The following KIAA0319 variants were observed in gnomAD, a reference collection of about 807,000 sequenced individuals.
KIAA0319 encodes KIAA0319.
Under a neutral mutation model 108.4 loss-of-function variants are expected in KIAA0319, and 83 were observed. The observed-to-expected ratio is 0.77, with a 90% CI of 0.64 to 0.92. The LOEUF (loss-of-function observed/expected upper bound fraction) is 0.92, where lower values mean the gene tolerates loss of function less well. Ranked by LOEUF, KIAA0319 falls within the 40% of genes least tolerant of loss-of-function variation. The probability of loss-of-function intolerance (pLI) is 0.00; values close to 1 mark genes in which losing one functional copy is unlikely to be tolerated. For synonymous variants in KIAA0319, 484 were observed against 510.4 expected, an observed-to-expected ratio of 0.95 and a Z score of 0.70; for missense variants, 1,195 against 1,322.4, an observed-to-expected ratio of 0.90 and a Z score of 1.49.
chr6:24,615,264 T>C (rs1772998125), intron 1 of KIAA0319, among the ~76,000 whole-genome samples: 1 of 152,190 alleles, frequency 6.6e-6, no homozygotes, highest in African/African-American at 2.4e-5. Flanking sequence ...CTTTAACAAA[T>C]TATGATATAG....
At chr6:24,601,348 C>T (rs1364622432) in intron 1 of KIAA0319, 140 bp from the exon 2 acceptor site, 1 of 1,327,050 alleles carries the variant, frequency 7.5e-7, no homozygotes, top group Non-Finnish European at 9.6e-7. Context: ...AGGCAAACAT[C>T]CACCTAGAGC....
chr6:24,623,652 T>C (rs1774275131), intron 1 of KIAA0319, among the ~76,000 whole-genome samples: 1 of 152,140 alleles, frequency 6.6e-6, no homozygotes, highest in Non-Finnish European at 1.5e-5. Flanking sequence ...CTAAGGGGGA[T>C]GAAGAGGATT....
intron 1 of KIAA0319, among the ~76,000 whole-genome samples, chr6:24,633,787 G>C (rs1157402441): frequency 6.6e-6 from 1 of 152,118 alleles, no homozygotes; most frequent in Non-Finnish European, 1.5e-5. Context: ...CTTCTAAAAT[G>C]TAAAACCCCA....
intron 16 of KIAA0319, among the ~76,000 whole-genome samples, chr6:24,562,118 G>C (rs1288013979): frequency 6.6e-6 from 1 of 152,224 alleles, no homozygotes; most frequent in African/African-American, 2.4e-5. Flanking sequence ...TTACAGGTAT[G>C]AGCCACTGCA....
intron 4 of KIAA0319, among the ~76,000 whole-genome samples, chr6:24,584,433 A>T (rs373039483): frequency 0.25 from 11,618 of 46,510 alleles, 493 homozygotes; most frequent in Middle Eastern, 0.29. Flanking sequence ...CAAAGATTTA[A>T]AAAAAAAAAA....
At chr6:24,608,173 T>A (rs1163091799) in intron 1 of KIAA0319, among the ~76,000 whole-genome samples, 2 of 151,940 alleles carry the variant, frequency 1.3e-5, no homozygotes, top group Admixed American at 6.6e-5. Flanking sequence ...TATTTGCACA[T>A]CTATTTTAAG....
At chr6:24,553,272 TAG>T (rs199894184) in intron 19 of KIAA0319, among the ~76,000 whole-genome samples, 12,120 of 105,422 alleles carry the variant, frequency 0.11, 888 homozygotes, top group South Asian at 0.21. Flanking sequence ...ACTTGTGAGA[TAG>T]ATATATATAT....
At chr6:24,561,240 G>C (rs1763058430) in intron 16 of KIAA0319, among the ~76,000 whole-genome samples, 1 of 152,148 alleles carries the variant, frequency 6.6e-6, no homozygotes, top group African/African-American at 2.4e-5. Context: ...TTAGTGTCAA[G>C]GTAAAACTGG....
chr6:24,634,707 C>T (rs1475104963), intron 1 of KIAA0319, among the ~76,000 whole-genome samples: 3 of 152,266 alleles, frequency 2.0e-5, no homozygotes, highest in South Asian at 4.1e-4. Context: ...TAGTCCTAAC[C>T]GGTCATATGA....
chr6:24,550,904 A>G (rs1387000158), intron 20 of KIAA0319, among the ~76,000 whole-genome samples: 1 of 152,140 alleles, frequency 6.6e-6, no homozygotes, highest in Non-Finnish European at 1.5e-5. Flanking sequence ...CCAAAATTTC[A>G]TTAAATTTAT....
intron 20 of KIAA0319, 110 bp from the exon 21 acceptor site, chr6:24,547,453 C>T: frequency 1.1e-6 from 1 of 893,266 alleles, no homozygotes; most frequent in Non-Finnish European, 1.7e-6. Flanking sequence ...CTCTCCGCCC[C>T]TTGAAAGCAA....
chr6:24,637,472 A>G (rs1219245442), intron 1 of KIAA0319, among the ~76,000 whole-genome samples: 1 of 152,162 alleles, frequency 6.6e-6, no homozygotes, highest in Non-Finnish European at 1.5e-5. Context: ...TAATCTTTAA[A>G]GGGCACTCAT....
At chr6:24,635,164 G>A (rs62400558) in intron 1 of KIAA0319, among the ~76,000 whole-genome samples, 4,054 of 148,564 alleles carry the variant, frequency 0.027, 64 homozygotes, top group Non-Finnish European at 0.039. Flanking sequence ...AGAGTTCAAT[G>A]GTGTGATCTT....
intron 1 of KIAA0319, among the ~76,000 whole-genome samples, chr6:24,613,676 A>AG (rs1480669689): frequency 1.0e-4 from 14 of 140,050 alleles, no homozygotes; most frequent in African/African-American, 1.4e-4. Flanking sequence ...AGATCATTTG[A>AG]GGGAAAAAAA....
chr6:24,545,980 CAAGGGTG>C lies in KIAA0319; in HGVS notation c.*1178_*1184del, dbSNP rs1309517910. ...CCACCAAGGCCACCAGCCTCAGGAC[CAAGGGTG>C]GATGGGGAACTACCCTGAACCAGTC... On this transcript the variant is annotated 3_prime_UTR_variant, in exon 21 of 21. Transcript: ENST00000378214. 1 of 152,216 alleles carries C rather than the reference CAAGGGTG, an allele frequency of 6.6e-6. No homozygotes were observed. The highest frequency in any genetic ancestry group is 2.4e-5 in the African/African-American group (1 of 41,444). 9.4% of individuals were successfully genotyped at this position (152,216 alleles called of 1,614,324 possible).
At chr6:24,571,964 T>G (rs1561961961) in intron 11 of KIAA0319, among the ~76,000 whole-genome samples, 1 of 152,252 alleles carries the variant, frequency 6.6e-6, no homozygotes, top group Non-Finnish European at 1.5e-5. Flanking sequence ...CAAGTCTATC[T>G]TGTTTAATTC....
intron 4 of KIAA0319, among the ~76,000 whole-genome samples, chr6:24,586,860 C>T (rs1263542425): frequency 6.6e-6 from 1 of 152,058 alleles, no homozygotes; most frequent in Non-Finnish European, 1.5e-5. Context: ...TCTTTATCTC[C>T]TACCTCTCTG....
chr6:24,598,053 C>A, intron 2 of KIAA0319: 1 of 370,594 alleles, frequency 2.7e-6, no homozygotes, highest in South Asian at 2.6e-5. Flanking sequence ...AGGTGTCTAC[C>A]TCTGGCCCCT....
chr6:24,594,239 A>G (rs1009798634), intron 3 of KIAA0319, among the ~76,000 whole-genome samples: 1 of 114,744 alleles, frequency 8.7e-6, no homozygotes, highest in South Asian at 2.9e-4. Context: ...AAAAAAAAAA[A>G]AAAAGAAAGT....
Sources: allele counts gnomAD v4.1 joint callset (sites outside exome capture counted in the v4.1 genomes callset), GRCh38; gene constraint gnomAD v4.1.1; transcripts MANE v1.5; gene names NCBI Gene and HGNC (gene_info 2026-07-23, HGNC 2026-07-21).